The following NTM variants were observed in gnomAD, a reference collection of about 807,000 sequenced individuals.
NTM encodes IgLON family member 2.
A neutral mutation model predicts 42.1 loss-of-function variants in NTM; 13 were observed. The ratio of observed to expected loss-of-function variants is 0.31; its 90% CI spans 0.20 to 0.49. The LOEUF (loss-of-function observed/expected upper bound fraction) is 0.49, where lower values mean the gene tolerates loss of function less well. NTM is among the 20% of genes least tolerant of loss of function. The probability of loss-of-function intolerance (pLI) is 0.99; values close to 1 mark genes in which losing one functional copy is unlikely to be tolerated. For synonymous variants in NTM, 187 were observed against 179.2 expected (o/e 1.04, Z -0.35); for missense variants, 373 against 452.8 (o/e 0.82, Z 1.60).
chr11:131,410,040 AG>A, intron 1 of NTM, among the ~76,000 whole-genome samples: 1 of 152,094 alleles, frequency 6.6e-6, no homozygotes, highest in Non-Finnish European at 1.5e-5. Context: ...AGGATGGGAG[AG>A]GGGAAGCTGA....
At chr11:131,506,090 G>A (rs1332207757) in intron 1 of NTM, among the ~76,000 whole-genome samples, 1 of 152,072 alleles carries the variant, frequency 6.6e-6, no homozygotes, top group Non-Finnish European at 1.5e-5. Context: ...GATGTAAGAG[G>A]TTGTAAGGGA....
chr11:132,050,970 G>T (rs1013838167), intron 2 of NTM, among the ~76,000 whole-genome samples: 1 of 152,208 alleles, frequency 6.6e-6, no homozygotes, highest in East Asian at 1.9e-4. Flanking sequence ...TGAAATCTGA[G>T]CCCTGCAGCA....
chr11:131,626,321 G>A (rs956449772), intron 1 of NTM, among the ~76,000 whole-genome samples: 13 of 152,070 alleles, frequency 8.5e-5, no homozygotes, highest in African/African-American at 2.7e-4. Flanking sequence ...TACTACAAAC[G>A]TATATGATAT....
intron 2 of NTM, among the ~76,000 whole-genome samples, chr11:131,936,632 G>A (rs1217963417): frequency 6.6e-6 from 1 of 152,132 alleles, no homozygotes; most frequent in African/African-American, 2.4e-5. Flanking sequence ...TACCTCCAAA[G>A]CTATTGAAAT....
chr11:131,846,732 T>A (rs1358665672), intron 1 of NTM, among the ~76,000 whole-genome samples: 1 of 152,192 alleles, frequency 6.6e-6, no homozygotes, highest in Non-Finnish European at 1.5e-5. Context: ...AAATCTGTAG[T>A]TTCTATAAGC....
intron 2 of NTM, among the ~76,000 whole-genome samples, chr11:132,012,913 C>T (rs1940033): frequency 0.55 from 82,975 of 151,760 alleles, 23,281 homozygotes; most frequent in East Asian, 0.82. Flanking sequence ...GGTGACTTTT[C>T]GGAGAAGATT....
intron 1 of NTM, among the ~76,000 whole-genome samples, chr11:131,888,334 AT>A (rs2050718242): frequency 6.6e-6 from 1 of 152,012 alleles, no homozygotes; most frequent in Admixed American, 6.6e-5. Context: ...GAGACCATGG[AT>A]ACCACCCGGC....
intron 1 of NTM, among the ~76,000 whole-genome samples, chr11:131,442,826 T>TA (rs1284798277): frequency 6.6e-6 from 1 of 151,996 alleles, no homozygotes; most frequent in East Asian, 1.9e-4. Flanking sequence ...TGTATATATA[T>TA]ATATACACAC....
At chr11:132,101,601 T>G (rs556709940) in intron 2 of NTM, among the ~76,000 whole-genome samples, 1 of 151,770 alleles carries the variant, frequency 6.6e-6, no homozygotes, top group South Asian at 2.1e-4. Flanking sequence ...TGAATGTATG[T>G]GAATATCTAT....
chr11:131,602,829 G>C (rs1017951034), intron 1 of NTM, among the ~76,000 whole-genome samples: 1 of 152,150 alleles, frequency 6.6e-6, no homozygotes, highest in Non-Finnish European at 1.5e-5. Flanking sequence ...TGACTCAAGA[G>C]CTCATGCTAA....
At chr11:131,909,127 A>C (rs1415034998) in intron 1 of NTM, among the ~76,000 whole-genome samples, 1 of 152,164 alleles carries the variant, frequency 6.6e-6, no homozygotes, top group Non-Finnish European at 1.5e-5. Context: ...AAGTCGCTTC[A>C]CTCTTGCTGG....
At chr11:131,495,275 CCT>C (rs1955218978) in intron 1 of NTM, among the ~76,000 whole-genome samples, 1 of 152,184 alleles carries the variant, frequency 6.6e-6, no homozygotes, top group African/African-American at 2.4e-5. Flanking sequence ...TGTCGGTAGT[CCT>C]CTCTCCCACA....
At chr11:132,277,984 G>A (rs992748499) in intron 4 of NTM, among the ~76,000 whole-genome samples, 4 of 152,134 alleles carry the variant, frequency 2.6e-5, no homozygotes, top group South Asian at 2.1e-4. Context: ...AAAAATAATT[G>A]GTATTAACGA....
intron 1 of NTM, among the ~76,000 whole-genome samples, chr11:131,587,156 G>T (rs141419636): frequency 6.6e-6 from 1 of 152,164 alleles, no homozygotes; most frequent in South Asian, 2.1e-4. Context: ...TACAGATAAG[G>T]TAGCTAAGGC....
At chr11:131,986,667 G>A (rs575674826) in intron 2 of NTM, among the ~76,000 whole-genome samples, 1 of 150,876 alleles carries the variant, frequency 6.6e-6, no homozygotes, top group African/African-American at 2.5e-5. Context: ...TTAGCTGCTG[G>A]CATGTGACTT....
chr11:131,839,429 C>T (rs998870537), intron 1 of NTM, among the ~76,000 whole-genome samples: 1 of 152,142 alleles, frequency 6.6e-6, no homozygotes, highest in African/African-American at 2.4e-5. Context: ...GGAAATGAGT[C>T]GGGGGACATC....
intron 4 of NTM, among the ~76,000 whole-genome samples, chr11:132,272,072 C>T (rs138019049): frequency 2.0e-5 from 3 of 152,086 alleles, no homozygotes; most frequent in East Asian, 3.9e-4. Flanking sequence ...TAAGATACAA[C>T]TTTATTCTTT....
chr11:131,939,260 C>T (rs1469937257), intron 2 of NTM, among the ~76,000 whole-genome samples: 1 of 151,956 alleles, frequency 6.6e-6, no homozygotes. Flanking sequence ...CCAAAAAATA[C>T]AAGAGAATGA....
chr11:131,463,890 G>T (rs1044254507), intron 1 of NTM, among the ~76,000 whole-genome samples: 1 of 152,216 alleles, frequency 6.6e-6, no homozygotes, highest in Non-Finnish European at 1.5e-5. Context: ...GCCTGCCCTG[G>T]CAGCTTCTGG....
Sources: allele counts gnomAD v4.1 joint callset (sites outside exome capture counted in the v4.1 genomes callset), GRCh38; gene constraint gnomAD v4.1.1; transcripts MANE v1.5; gene names NCBI Gene and HGNC (gene_info 2026-07-23, HGNC 2026-07-21).